BTBD9: variants seen among roughly 807,000 people sequenced by gnomAD.
The protein encoded by BTBD9 is BTB/POZ domain-containing protein 9.
A neutral mutation model predicts 64.3 loss-of-function variants in BTBD9; 49 were observed. The ratio of observed to expected loss-of-function variants is 0.76; its 90% CI spans 0.61 to 0.97. The LOEUF (loss-of-function observed/expected upper bound fraction) is 0.97. Ranked by LOEUF, BTBD9 falls within the 50% of genes least tolerant of loss-of-function variation. BTBD9 has a pLI of 0.00. For missense variants in BTBD9, 598 were observed against 762.1 expected, an observed-to-expected ratio of 0.78 and a Z score of 2.53; for synonymous variants, 260 against 274.7, an observed-to-expected ratio of 0.95 and a Z score of 0.53.
At chr6:38,235,678 A>G (rs1481794260) in intron 9 of BTBD9, among the ~76,000 whole-genome samples, 1 of 152,194 alleles carries the variant, frequency 6.6e-6, no homozygotes, top group African/African-American at 2.4e-5. Flanking sequence ...AAATCAGGTA[A>G]AGGAATGACA....
At chr6:38,188,784 G>A (rs201400920) in intron 10 of BTBD9, among the ~76,000 whole-genome samples, 41 of 152,302 alleles carry the variant, frequency 2.7e-4, no homozygotes, top group African/African-American at 4.8e-4. Flanking sequence ...TGAAACCCCC[G>A]TGATGGGATT....
At chr6:38,286,609 C>T (rs2127554319) in intron 8 of BTBD9, among the ~76,000 whole-genome samples, 1 of 152,168 alleles carries the variant, frequency 6.6e-6, no homozygotes, top group Middle Eastern at 3.4e-3. Flanking sequence ...AGAGAAAAAG[C>T]AGCTTACTTA....
chr6:38,463,769 C>T lies in BTBD9; in HGVS notation c.1154+113831G>A, dbSNP rs190608994. On this transcript the variant is annotated intron_variant, in intron 6 of 10. Transcript: ENST00000481247. ...TAACTAGAATGGGCATGGTGGCTCA[C>T]GCCTATAATCCCAGCACTTTAGGAG... 2.0e-5 allele frequency among the ~76,000 whole-genome samples: 3 copies of T among 152,242 alleles called. No individual in the cohort carries two copies. In the East Asian group the frequency reaches 5.8e-4, roughly 29 times the overall value.
At chr6:38,491,710 T>C (rs936038522) in intron 6 of BTBD9, among the ~76,000 whole-genome samples, 18 of 151,920 alleles carry the variant, frequency 1.2e-4, no homozygotes, top group African/African-American at 4.4e-4. Context: ...AAAATCTCAT[T>C]CTCAAATGAG....
chr6:38,217,941 C>T (rs1763068455), intron 9 of BTBD9, among the ~76,000 whole-genome samples: 1 of 152,108 alleles, frequency 6.6e-6, no homozygotes, highest in Admixed American at 6.5e-5. Flanking sequence ...CAAGGGATGT[C>T]CTACCTGTTG....
At chr6:38,445,902 T>C (rs980922901) in intron 6 of BTBD9, among the ~76,000 whole-genome samples, 6 of 152,174 alleles carry the variant, frequency 3.9e-5, no homozygotes, top group Admixed American at 3.3e-4. Flanking sequence ...AAATATAGAA[T>C]ATCATGCCAA....
At chr6:38,412,858 CAAA>C (rs199651577) in intron 6 of BTBD9, among the ~76,000 whole-genome samples, 2 of 21,756 alleles carry the variant, frequency 9.2e-5, no homozygotes, top group Non-Finnish European at 1.5e-4. Flanking sequence ...GACTCCATCT[CAAA>C]ACAACAACAA....
intron 8 of BTBD9, among the ~76,000 whole-genome samples, chr6:38,274,205 C>T (rs1765294426): frequency 6.6e-6 from 1 of 152,142 alleles, no homozygotes; most frequent in South Asian, 2.1e-4. Flanking sequence ...TATAAAAATG[C>T]TTGTGATTTT....
chr6:38,579,185 C>T (rs1776182342), intron 5 of BTBD9, among the ~76,000 whole-genome samples: 1 of 152,164 alleles, frequency 6.6e-6, no homozygotes, highest in Non-Finnish European at 1.5e-5. Flanking sequence ...ACATCATGTA[C>T]ATGGGAAATG....
chr6:38,285,406 T>A (rs1430921873), intron 8 of BTBD9, among the ~76,000 whole-genome samples: 1 of 151,864 alleles, frequency 6.6e-6, no homozygotes, highest in African/African-American at 2.4e-5. Flanking sequence ...TGCCACTGAA[T>A]GAGATGGGGA....
At chr6:38,328,564 C>CGTGTGTGTGTGTGTGTGTGTGTGTGTGT (rs201357884) in intron 7 of BTBD9, among the ~76,000 whole-genome samples, 21 of 130,502 alleles carry the variant, frequency 1.6e-4, no homozygotes, top group East Asian at 1.1e-3. Flanking sequence ...TTTAAGCCAC[C>CGTGTGTGTGTGTGTGTGTGTGTGTGTGT]GTGTGTGTGT....
intron 6 of BTBD9, among the ~76,000 whole-genome samples, chr6:38,412,225 A>C (rs1210217382): frequency 6.6e-6 from 1 of 152,116 alleles, no homozygotes; most frequent in East Asian, 1.9e-4. Context: ...CAGAGAGATT[A>C]ATATTCCTAA....
chr6:38,406,178 C>CCTAG (rs1203602603), intron 6 of BTBD9, among the ~76,000 whole-genome samples: 4 of 152,286 alleles, frequency 2.6e-5, no homozygotes, highest in Middle Eastern at 3.4e-3. Flanking sequence ...AGGACAGGGA[C>CCTAG]CTAGCACCTT....
At chr6:38,621,684 A>T (rs1582730686) in intron 1 of BTBD9, among the ~76,000 whole-genome samples, 1 of 152,220 alleles carries the variant, frequency 6.6e-6, no homozygotes, top group Non-Finnish European at 1.5e-5. Flanking sequence ...GGGAGTTCCT[A>T]ACATCTGGGG....
intron 9 of BTBD9, among the ~76,000 whole-genome samples, chr6:38,254,207 A>G (rs1764498063): frequency 6.6e-6 from 1 of 151,676 alleles, no homozygotes. Context: ...TGGGAAAATC[A>G]CTTAACTAGG....
At chr6:38,531,634 C>A (rs1773802783) in intron 6 of BTBD9, among the ~76,000 whole-genome samples, 1 of 152,094 alleles carries the variant, frequency 6.6e-6, no homozygotes, top group Non-Finnish European at 1.5e-5. Flanking sequence ...GAAACAACAA[C>A]TTTTGAAGAC....
chr6:38,194,637 C>T (rs1380004594), intron 9 of BTBD9, among the ~76,000 whole-genome samples: 1 of 152,166 alleles, frequency 6.6e-6, no homozygotes. Context: ...AATCACGGCC[C>T]TGTGGTCCCA....
intron 6 of BTBD9, among the ~76,000 whole-genome samples, chr6:38,404,080 G>C (rs1441273355): frequency 2.0e-5 from 3 of 152,174 alleles, no homozygotes; most frequent in Non-Finnish European, 4.4e-5. Context: ...GATGGGGAGA[G>C]AAGGGATTGG....
intron 6 of BTBD9, among the ~76,000 whole-genome samples, chr6:38,435,941 T>C (rs182485395): frequency 6.6e-6 from 1 of 151,592 alleles, no homozygotes; most frequent in African/African-American, 2.4e-5. Flanking sequence ...AGTGCTGGGA[T>C]TACAGGTATG....
Sources: allele counts gnomAD v4.1 joint callset (sites outside exome capture counted in the v4.1 genomes callset), GRCh38; gene constraint gnomAD v4.1.1; transcripts MANE v1.5; gene names NCBI Gene and HGNC (gene_info 2026-07-23, HGNC 2026-07-21).